Variants in UNC13C observed in about 807,000 individuals in gnomAD.
UNC13C encodes unc-13 homolog C.
UNC13C carries 174 observed loss-of-function variants against 245.4 expected under a neutral mutation model. The ratio of observed to expected loss-of-function variants is 0.71; its 90% confidence interval spans 0.63 to 0.80. UNC13C has a LOEUF of 0.80. Ranked by LOEUF, UNC13C falls within the 30% of genes least tolerant of loss-of-function variation. The probability of loss-of-function intolerance (pLI) is 0.00; values close to 1 mark genes in which losing one functional copy is unlikely to be tolerated. For missense variants in UNC13C, 2,829 were observed against 2,602.9 expected (o/e 1.09, Z -1.89); for synonymous variants, 992 against 895.1 (o/e 1.11, Z -1.93).
At chr15:53,900,508 T>C in the UNC13C span, among the ~76,000 whole-genome samples, 154 of 152,274 alleles carry the variant, frequency 1.0e-3, 1 homozygote, top group African/African-American at 3.6e-3. Flanking sequence ...TAATGACAAA[T>C]AGCGACTGCT....
chr15:54,463,428 A>C (rs137886517), intron 19 of UNC13C, among the ~76,000 whole-genome samples: 3,442 of 151,978 alleles, frequency 0.023, 123 homozygotes, highest in African/African-American at 0.077. Flanking sequence ...CACTGCCTTT[A>C]TGAGCTGTAA....
At chr15:53,934,634 C>T in the UNC13C span, among the ~76,000 whole-genome samples, 2,572 of 152,236 alleles carry the variant, frequency 0.017, 76 homozygotes, top group African/African-American at 0.059. Flanking sequence ...ATGTCTTATT[C>T]TGTTCATGCT....
At chr15:54,544,444 C>G (rs1420816935) in intron 26 of UNC13C, among the ~76,000 whole-genome samples, 3 of 152,028 alleles carry the variant, frequency 2.0e-5, no homozygotes, top group Admixed American at 2.0e-4. Context: ...AAGTTCTGGC[C>G]AGGGCAATGA....
intron 1 of UNC13C, among the ~76,000 whole-genome samples, chr15:53,982,329 G>A (rs2061746): frequency 0.12 from 18,906 of 152,136 alleles, 1,512 homozygotes; most frequent in East Asian, 0.29. Context: ...TTTGCTTCAT[G>A]TGTTTTATAA....
At chr15:54,622,728 T>C (rs959987094) in intron 31 of UNC13C, among the ~76,000 whole-genome samples, 1 of 152,172 alleles carries the variant, frequency 6.6e-6, no homozygotes, top group Non-Finnish European at 1.5e-5. Context: ...ATTAAGTCAG[T>C]ATGTTCTTAC....
At chr15:53,987,974 A>G (rs1894220200) in intron 1 of UNC13C, among the ~76,000 whole-genome samples, 1 of 152,000 alleles carries the variant, frequency 6.6e-6, no homozygotes, top group South Asian at 2.1e-4. Context: ...TCAGTTTCAG[A>G]CGAGATGGGT....
rs1567320802 is a variant in UNC13C at position 54,487,783 on chromosome 15, AAAAAAAGACAGAGAG to A, written c.4934-6823_4934-6809del. The stretch of plus-strand genomic sequence containing the variant: ...TTCCATCTCAAAAAAAAAAAAAAAA[AAAAAAAGACAGAGAG>A]AGAGAAAAGAAATTTGATTACCATA... On this transcript the variant is annotated intron_variant, in intron 19 of 32. Coordinates refer to ENST00000260323, the MANE Select transcript of UNC13C (RefSeq NM_001080534.3). Among the ~76,000 whole-genome samples, 4 of 96,958 alleles carry A rather than the reference AAAAAAAGACAGAGAG, an allele frequency of 4.1e-5. 1 individual carries two copies. Among genetic ancestry groups the A allele is most frequent in the Admixed American group, 2.2e-4 (2 of 9,010 alleles). 63.6% of individuals were successfully genotyped at this position (96,958 alleles called of 152,430 possible).
chr15:54,178,587 A>T (rs762168539), intron 4 of UNC13C, among the ~76,000 whole-genome samples: 1 of 152,166 alleles, frequency 6.6e-6, no homozygotes, highest in Non-Finnish European at 1.5e-5. Flanking sequence ...AAGCCTTTCC[A>T]AGGTGCAAAA....
chr15:54,368,302 A>G (rs1280503516), intron 17 of UNC13C, among the ~76,000 whole-genome samples: 2 of 152,124 alleles, frequency 1.3e-5, no homozygotes, highest in Non-Finnish European at 2.9e-5. Context: ...TACAGTGAGA[A>G]TTATGATGTT....
chr15:54,497,341 C>T (rs570778158), intron 20 of UNC13C, among the ~76,000 whole-genome samples: 3 of 152,198 alleles, frequency 2.0e-5, no homozygotes, highest in Non-Finnish European at 2.9e-5. Flanking sequence ...ATTTGCAATA[C>T]GGGGCTTGCA....
intron 29 of UNC13C, among the ~76,000 whole-genome samples, chr15:54,559,996 T>A (rs1462349486): frequency 6.6e-6 from 1 of 152,012 alleles, no homozygotes; most frequent in Non-Finnish European, 1.5e-5. Flanking sequence ...CATATTATGA[T>A]GTGTAAAAGA....
chr15:54,314,882 A>G (rs2414299), intron 13 of UNC13C, among the ~76,000 whole-genome samples: 112,946 of 151,588 alleles, frequency 0.75, 42,742 homozygotes, highest in African/African-American at 0.86. Flanking sequence ...TCAAGGTTTT[A>G]TATCTTAGAG....
At chr15:54,388,783 G>A (rs1363710130) in intron 17 of UNC13C, among the ~76,000 whole-genome samples, 2 of 151,884 alleles carry the variant, frequency 1.3e-5, no homozygotes, top group Non-Finnish European at 2.9e-5. Flanking sequence ...CTCTTTTTGA[G>A]TAATCTAATT....
intron 4 of UNC13C, among the ~76,000 whole-genome samples, chr15:54,191,640 A>G (rs971195302): frequency 2.0e-5 from 3 of 152,160 alleles, no homozygotes; most frequent in East Asian, 1.9e-4. Context: ...GTCTTCCACA[A>G]TGATTGAACT....
intron 4 of UNC13C, among the ~76,000 whole-genome samples, chr15:54,156,160 C>G (rs2141258397): frequency 6.6e-6 from 1 of 152,302 alleles, no homozygotes; most frequent in Non-Finnish European, 1.5e-5. Context: ...TTTTCATTAA[C>G]TAGAGCAGAA....
chr15:54,257,283 A>C (rs959086165), intron 8 of UNC13C, among the ~76,000 whole-genome samples: 1 of 152,226 alleles, frequency 6.6e-6, no homozygotes, highest in Non-Finnish European at 1.5e-5. Flanking sequence ...ATTTTGAATC[A>C]TAATTAATTT....
At chr15:54,002,937 C>T (rs1210499105) in intron 1 of UNC13C, among the ~76,000 whole-genome samples, 1 of 152,164 alleles carries the variant, frequency 6.6e-6, no homozygotes, top group African/African-American at 2.4e-5. Flanking sequence ...GGTAGGAGGC[C>T]TGCGTTTTTG....
intron 19 of UNC13C, among the ~76,000 whole-genome samples, chr15:54,418,344 C>T (rs1287485196): frequency 6.6e-6 from 1 of 152,016 alleles, no homozygotes; most frequent in Non-Finnish European, 1.5e-5. Flanking sequence ...AATACAAAGT[C>T]GAAAAATATT....
the UNC13C span, among the ~76,000 whole-genome samples, chr15:53,931,100 G>A: frequency 6.6e-6 from 1 of 152,174 alleles, no homozygotes; most frequent in East Asian, 1.9e-4. Context: ...GCTTAAGTGA[G>A]ATGAGCTTAC....
Sources: allele counts gnomAD v4.1 joint callset (sites outside exome capture counted in the v4.1 genomes callset), GRCh38; gene constraint gnomAD v4.1.1; transcripts MANE v1.5; gene names NCBI Gene and HGNC (gene_info 2026-07-23, HGNC 2026-07-21).